Variants in XKR6 observed in about 807,000 individuals in gnomAD.
The protein encoded by XKR6 is XK-related protein 6.
XKR6 carries 22 observed loss-of-function variants against 56.7 expected under a neutral mutation model. The ratio of observed to expected loss-of-function variants is 0.39; its 90% confidence interval spans 0.28 to 0.55. The LOEUF (loss-of-function observed/expected upper bound fraction) is 0.55. Among genes scored for constraint, XKR6 ranks in the 20% least tolerant of loss-of-function variants. The pLI, the probability that XKR6 is intolerant of heterozygous loss-of-function variation, is 0.66. For synonymous variants in XKR6, 524 were observed against 387.8 expected, an observed-to-expected ratio of 1.35 and a Z score of -4.13; for missense variants, 852 against 889.0, an observed-to-expected ratio of 0.96 and a Z score of 0.53.
intron 1 of XKR6, among the ~76,000 whole-genome samples, chr8:11,103,318 T>C (rs1419763081): frequency 6.6e-6 from 1 of 152,264 alleles, no homozygotes; most frequent in Non-Finnish European, 1.5e-5. Context: ...TTAAACTTCC[T>C]AAAATCATGA....
chr8:10,979,153 C>T (rs908232890), intron 1 of XKR6, among the ~76,000 whole-genome samples: 2 of 151,900 alleles, frequency 1.3e-5, no homozygotes, highest in African/African-American at 4.8e-5. Context: ...CTAGGAGGTT[C>T]TGGGGATCTC....
chr8:11,059,308 G>C (rs1413185066), intron 1 of XKR6, among the ~76,000 whole-genome samples: 1 of 152,234 alleles, frequency 6.6e-6, no homozygotes, highest in Non-Finnish European at 1.5e-5. Flanking sequence ...ATGAATGAAG[G>C]AACGAATGAC....
At position 11,005,190 on chromosome 8, in the gene XKR6, T is replaced by C. The variant is rs372819218; in HGVS notation, c.765-80360A>G. ...ACGTGGAACAAAGGGATGATTCACA[T>C]CCCAAGCAGAATGACGCAAGATTTC... On this transcript the variant is annotated intron_variant, in intron 1 of 2. Transcript: ENST00000416569. Among the ~76,000 whole-genome samples, 46 of 151,956 alleles carry C rather than the reference T, an allele frequency of 3.0e-4. No individual in the cohort carries two copies. The East Asian group carries it at 8.7e-3, about 29-fold the overall frequency.
At chr8:11,150,913 T>A (rs1443973943) in intron 1 of XKR6, among the ~76,000 whole-genome samples, 1 of 151,708 alleles carries the variant, frequency 6.6e-6, no homozygotes, top group Non-Finnish European at 1.5e-5. Context: ...TTTTTTCTCC[T>A]CTTTTCTTCT....
chr8:10,925,896 G>C (rs1393369203), intron 1 of XKR6, among the ~76,000 whole-genome samples: 1 of 152,152 alleles, frequency 6.6e-6, no homozygotes, highest in Non-Finnish European at 1.5e-5. Flanking sequence ...CAGGCTCCAA[G>C]TCTGGGCCAG....
intron 1 of XKR6, chr8:11,195,026 A>C: frequency 1.6e-6 from 1 of 623,996 alleles, no homozygotes; most frequent in Non-Finnish European, 2.9e-6. Flanking sequence ...ATAAATCTTT[A>C]GAGATGTTCT....
chr8:11,058,476 G>A (rs933170714), intron 1 of XKR6, among the ~76,000 whole-genome samples: 8 of 152,180 alleles, frequency 5.3e-5, no homozygotes, highest in African/African-American at 1.9e-4. Context: ...AGAAAATGTG[G>A]CACATATATA....
intron 1 of XKR6, among the ~76,000 whole-genome samples, chr8:11,081,129 T>A (rs544692276): frequency 1.3e-5 from 2 of 152,330 alleles, no homozygotes; most frequent in East Asian, 3.9e-4. Context: ...CAAAATGGCA[T>A]GATTTTGCTA....
intron 1 of XKR6, among the ~76,000 whole-genome samples, chr8:11,190,155 CA>C (rs200804263): frequency 6.2e-5 from 4 of 64,350 alleles, no homozygotes; most frequent in Admixed American, 1.9e-4. Context: ...GAAACTGTCC[CA>C]AAAAAAAAGA....
In XKR6 at chr8:11,148,865, C is replaced by A. The variant is rs567808506; in HGVS notation, c.764+51711G>T. On this transcript the variant is annotated intron_variant, in intron 1 of 2. Coordinates refer to ENST00000416569, the MANE Select transcript of XKR6 (RefSeq NM_173683.4). ...AAAAAGGAAAGAACTATTAATACCA[C>A]ACAACAACATGAATGAATCTGAAAA... Among the ~76,000 whole-genome samples, 3 of 152,268 alleles carry A rather than the reference C, an allele frequency of 2.0e-5. No individual in the cohort carries two copies. In the East Asian group the frequency reaches 5.8e-4, roughly 29 times the overall value.
At chr8:11,016,086 G>A (rs1226868563) in intron 1 of XKR6, among the ~76,000 whole-genome samples, 1 of 152,146 alleles carries the variant, frequency 6.6e-6, no homozygotes, top group Non-Finnish European at 1.5e-5. Flanking sequence ...CCCCGAGCTC[G>A]CCAGTCCTTC....
rs538764636 is a variant in XKR6, at chr8:11,067,361, C to A, written c.764+133215G>T. Among the ~76,000 whole-genome samples the A allele has an allele frequency of 6.0e-4, 92 of 152,282 alleles. No homozygotes were observed. In the South Asian group the frequency reaches 0.013, roughly 22 times the overall value. On this transcript the variant is annotated intron_variant, in intron 1 of 2. Transcript: ENST00000416569. ...AGCCACTGTGGCAGCCTGGGCAGAG[C>A]CCCCCACCCGGGTGATCTCAACCCA...
At chr8:11,053,542 C>T (rs1361962569) in intron 1 of XKR6, among the ~76,000 whole-genome samples, 1 of 152,224 alleles carries the variant, frequency 6.6e-6, no homozygotes, top group Admixed American at 6.5e-5. Flanking sequence ...TCTTGGTCAC[C>T]GGCTTCCAGC....
chr8:11,036,839 C>A (rs1266784558), intron 1 of XKR6, among the ~76,000 whole-genome samples: 2 of 152,260 alleles, frequency 1.3e-5, no homozygotes, highest in East Asian at 3.8e-4. Context: ...CATGTCCGAA[C>A]TCCCTGGAAG....
Position 11,008,514 on chromosome 8 carries a change from G to A in XKR6, c.765-83684C>T, listed in dbSNP as rs551042529. Among the ~76,000 whole-genome samples, 66 of 145,190 alleles carry A rather than the reference G, an allele frequency of 4.5e-4. 3 individuals are homozygous for A. The South Asian group carries it at 0.013, about 28-fold the overall frequency. On this transcript the variant is annotated intron_variant, in intron 1 of 2. Coordinates refer to ENST00000416569, the MANE Select transcript of XKR6 (RefSeq NM_173683.4). ...TTGCTCACTGCAACCTGCAACTCCT[G>A]GGCTTAAGCCATCCTCCCATTTCAG...
intron 1 of XKR6, among the ~76,000 whole-genome samples, chr8:11,084,091 C>T (rs1167505000): frequency 6.6e-6 from 1 of 152,250 alleles, no homozygotes; most frequent in East Asian, 1.9e-4. Flanking sequence ...GGATACTTTC[C>T]TCTAAGCCTC....
intron 1 of XKR6, among the ~76,000 whole-genome samples, chr8:11,124,990 G>A (rs1252450977): frequency 1.3e-5 from 2 of 150,808 alleles, no homozygotes; most frequent in African/African-American, 4.9e-5. Flanking sequence ...TCGGGAGGCT[G>A]AGGCAGGAGA....
intron 1 of XKR6, among the ~76,000 whole-genome samples, chr8:10,956,131 A>T (rs1801880094): frequency 6.6e-6 from 1 of 152,146 alleles, no homozygotes; most frequent in African/African-American, 2.4e-5. Context: ...TCCCCTTCAC[A>T]GGTCCTCTCC....
chr8:11,200,651 G>A lies in XKR6; in HGVS notation c.689C>T (p.Ala230Val), dbSNP rs746222610. Residue 230 changes from alanine to valine, a missense_variant, in exon 1 of 3, where the codon GCG (alanine) becomes GTG (valine). This residue lies in a region of XKR6 where 417 missense variants were observed against 355.2 expected (regional missense o/e 1.17). Transcript: ENST00000416569. The surrounding 1 kb of genome is among the most constrained non-coding windows in gnomAD (Gnocchi z 6.4). Reference protein sequence around the residue: ...PGVRVSPTPGAQRLCRLSVWI... With the variant: ...PGVRVSPTPGVQRLCRLSVWI... ...CACGGAGAGGCGACACAGGCGCTGCGCCCCCGGCGTGGGGGAGACCCTCAC... is the reference window on the plus strand; with the variant it reads ...CACGGAGAGGCGACACAGGCGCTGCACCCCCGGCGTGGGGGAGACCCTCAC... The A allele has an allele frequency of 1.9e-6, 3 of 1,549,738 alleles. No individual in the cohort carries two copies. The highest frequency in any genetic ancestry group is 2.1e-5 in the Admixed American group (1 of 47,066).
Sources: gnomAD v4.1 joint callset for allele counts (sites outside exome capture counted in the v4.1 genomes callset) on GRCh38, gnomAD v4.1.1 for gene constraint, gnomAD v4.1.1 regional missense constraint, Gnocchi (gnomAD v3.1) non-coding constraint, MANE v1.5 for transcripts, NCBI Gene and HGNC (gene_info 2026-07-23, HGNC 2026-07-21) for gene names.